The following SRGAP2B variants were observed in gnomAD, a reference collection of about 807,000 sequenced individuals.
The protein encoded by SRGAP2B is SLIT-ROBO Rho GTPase activating protein 2B.
A neutral mutation model predicts 22.2 loss-of-function variants in SRGAP2B; 9 were observed. The ratio of observed to expected loss-of-function variants is 0.41; its 90% CI spans 0.24 to 0.71. SRGAP2B has a LOEUF of 0.71. SRGAP2B is among the 30% of genes least tolerant of loss of function. The pLI is 0.35. For synonymous variants in SRGAP2B, 36 were observed against 87.4 expected (o/e 0.41, Z 3.28); for missense variants, 114 against 235.8 (o/e 0.48, Z 3.38).
chr1:144,925,743 G>C (rs1444944598), intron 4 of SRGAP2B, among the ~76,000 whole-genome samples: 1 of 124,974 alleles, frequency 8.0e-6, no homozygotes, highest in Non-Finnish European at 1.7e-5. Context: ...AAGAAAGAAA[G>C]AAAGAAAGAA....
rs146065214 is a variant in SRGAP2B, at chr1:144,966,115, C to T, written c.261-10514G>A. On this transcript the variant is annotated intron_variant, in intron 3 of 9. Coordinates refer to ENST00000612199, the Ensembl canonical transcript of SRGAP2B. Reference sequence around the variant, plus strand: ...TCCCCAATCTAGCAAGGCAGGCCAACGTTCAGATTCAGGAAATACAGAGAA... The same window carrying T: ...TCCCCAATCTAGCAAGGCAGGCCAATGTTCAGATTCAGGAAATACAGAGAA... Among the ~76,000 whole-genome samples the T allele has an allele frequency of 3.7e-4, 54 of 146,916 alleles. 2 individuals carry two copies. Among genetic ancestry groups the T allele is most frequent in the African/African-American group, 1.2e-3 (46 of 38,708 alleles).
chr1:144,971,777 G>T (rs1668544466), intron 3 of SRGAP2B, among the ~76,000 whole-genome samples: 1 of 150,858 alleles, frequency 6.6e-6, no homozygotes, highest in South Asian at 2.1e-4. Flanking sequence ...TTTCAAGATG[G>T]TCTAGAGTCT....
At chr1:144,956,440 T>C (rs76800404) in intron 3 of SRGAP2B, among the ~76,000 whole-genome samples, 6 of 73,348 alleles carry the variant, frequency 8.2e-5, no homozygotes, top group Non-Finnish European at 1.7e-4. Flanking sequence ...GCTCATTCCC[T>C]TTTTTTTTTT....
chr1:144,950,727 T>A (rs1553609233), intron 4 of SRGAP2B, among the ~76,000 whole-genome samples: 3 of 149,512 alleles, frequency 2.0e-5, no homozygotes, highest in Non-Finnish European at 4.4e-5. Context: ...TCCAGGATTT[T>A]CTCTTCTCTG....
At chr1:145,020,006 A>G (rs1265773091) in intron 2 of SRGAP2B, among the ~76,000 whole-genome samples, 2 of 151,076 alleles carry the variant, frequency 1.3e-5, no homozygotes, top group African/African-American at 4.9e-5. Flanking sequence ...CCTCTGCCTG[A>G]AATGCCCTTC....
chr1:144,911,496 G>A (rs1663409171), intron 5 of SRGAP2B, among the ~76,000 whole-genome samples: 1 of 148,814 alleles, frequency 6.7e-6, no homozygotes, highest in Non-Finnish European at 1.5e-5. Context: ...TCATGTCCCA[G>A]GAAACTCTTC....
intron 1 of SRGAP2B, 107 bp downstream of exon 1, chr1:145,095,116 C>CG: frequency 1.3e-6 from 1 of 761,450 alleles, no homozygotes; most frequent in Non-Finnish European, 1.7e-6. Flanking sequence ...GGCGATGCCG[C>CG]GAGCAGCATC....
At chr1:144,940,388 G>A (rs1247101649) in intron 4 of SRGAP2B, among the ~76,000 whole-genome samples, 3 of 145,984 alleles carry the variant, frequency 2.1e-5, no homozygotes, top group Admixed American at 2.0e-4. Flanking sequence ...TGGAAGTAGG[G>A]TATTTCCAAA....
intron 2 of SRGAP2B, among the ~76,000 whole-genome samples, chr1:145,011,572 C>T (rs1404526344): frequency 4.0e-5 from 6 of 150,004 alleles, no homozygotes; most frequent in African/African-American, 1.0e-4. Flanking sequence ...ACCCCAGTAA[C>T]GGTACCACCA....
chr1:144,917,568 G>T (rs1161303887), intron 4 of SRGAP2B, among the ~76,000 whole-genome samples: 1 of 144,994 alleles, frequency 6.9e-6, no homozygotes, highest in Non-Finnish European at 1.5e-5. Flanking sequence ...GGAGGGAAAA[G>T]TGTAACCAAA....
chr1:144,979,926 C>G (rs868962599), intron 3 of SRGAP2B, among the ~76,000 whole-genome samples: 2 of 150,838 alleles, frequency 1.3e-5, no homozygotes, highest in Non-Finnish European at 2.9e-5. Context: ...TACAGCATCA[C>G]AAAAAATGGC....
At chr1:145,009,344 T>C (rs1169052170) in intron 2 of SRGAP2B, among the ~76,000 whole-genome samples, 1 of 149,886 alleles carries the variant, frequency 6.7e-6, no homozygotes, top group Non-Finnish European at 1.5e-5. Context: ...ATCCCAGCAC[T>C]TTGGGAGGCC....
chr1:144,931,688 C>A (rs1665195997), intron 4 of SRGAP2B, among the ~76,000 whole-genome samples: 1 of 149,928 alleles, frequency 6.7e-6, no homozygotes, highest in African/African-American at 2.5e-5. Context: ...GTTCAAAGGG[C>A]AAATGGCAAA....
intron 2 of SRGAP2B, among the ~76,000 whole-genome samples, chr1:145,051,269 TTCTCTG>T (rs1553629569): frequency 8.4e-6 from 1 of 119,318 alleles, no homozygotes; most frequent in Non-Finnish European, 1.7e-5. Context: ...ATTATTTAAC[TTCTCTG>T]CCTCTGTCTC....
chr1:144,993,155 G>C (rs369936381), intron 3 of SRGAP2B, among the ~76,000 whole-genome samples: 1 of 151,086 alleles, frequency 6.6e-6, no homozygotes, highest in Non-Finnish European at 1.5e-5. Flanking sequence ...TTTGGCTCGG[G>C]TATAGTGGAA....
intron 2 of SRGAP2B, among the ~76,000 whole-genome samples, chr1:144,997,613 A>T (rs1670796169): frequency 6.7e-6 from 1 of 150,044 alleles, no homozygotes; most frequent in African/African-American, 2.5e-5. Context: ...AATACAAAGG[A>T]ATAGTTAGTT....
Position 144,951,227 on chromosome 1 carries a change from G to C in SRGAP2B, c.423+4212C>G, listed in dbSNP as rs1291967539. 1.8e-4 allele frequency among the ~76,000 whole-genome samples: 27 copies of C among 147,464 alleles called. 2 individuals are homozygous for C. The highest frequency in any genetic ancestry group is 6.2e-4 in the African/African-American group (24 of 38,498). ...GTCTGGCTCTGTTACTCAGGCTAGA[G>C]TACAGTGGCATGATTATAGATCACT... On this transcript the variant is annotated intron_variant, in intron 4 of 9. Transcript: ENST00000612199.
In SRGAP2B at chr1:144,913,927, C is replaced by T. The variant is rs1422677883; in HGVS notation, c.486+765G>A. Among the ~76,000 whole-genome samples the T allele has an allele frequency of 2.7e-5, 4 of 149,906 alleles. No individual in the cohort carries two copies. In the East Asian group the frequency reaches 7.8e-4, roughly 29 times the overall value. Reference sequence around the variant, plus strand: ...GCATTAGCTGTATAACTTAAGTATTCCCTGTATAGCAACAGGAATTTCCTT... The same window carrying T: ...GCATTAGCTGTATAACTTAAGTATTTCCTGTATAGCAACAGGAATTTCCTT... On this transcript the variant is annotated intron_variant, in intron 5 of 9. Coordinates refer to ENST00000612199, the Ensembl canonical transcript of SRGAP2B.
chr1:144,956,645 A>C, intron 3 of SRGAP2B, among the ~76,000 whole-genome samples: 1 of 147,202 alleles, frequency 6.8e-6, no homozygotes, highest in Non-Finnish European at 1.5e-5. Context: ...ATGGGTTTTC[A>C]CCATGTTGAC....
Sources: allele counts gnomAD v4.1 joint callset (sites outside exome capture counted in the v4.1 genomes callset), GRCh38; gene constraint gnomAD v4.1.1; transcripts MANE v1.5; gene names NCBI Gene and HGNC (gene_info 2026-07-23, HGNC 2026-07-21).